Variants in NR3C2 observed in about 807,000 individuals in gnomAD.
The protein encoded by NR3C2 is nuclear receptor subfamily 3 group C member 2, also known as mineralocorticoid receptor.
NR3C2 carries 15 observed loss-of-function variants against 86.4 expected under a neutral mutation model. The observed-to-expected ratio is 0.17, with a 90% CI of 0.12 to 0.27. The LOEUF (loss-of-function observed/expected upper bound fraction) is 0.27, where lower values mean the gene tolerates loss of function less well. Among genes scored for constraint, NR3C2 ranks in the 10% least tolerant of loss-of-function variants. The probability of loss-of-function intolerance (pLI) is 1.00; values close to 1 mark genes in which losing one functional copy is unlikely to be tolerated. For missense variants in NR3C2, 960 were observed against 1,195.6 expected (o/e 0.80, Z 2.91); for synonymous variants, 458 against 450.5 (o/e 1.02, Z -0.21).
At chr4:148,222,278 C>T (rs1246894381) in intron 3 of NR3C2, among the ~76,000 whole-genome samples, 1 of 151,994 alleles carries the variant, frequency 6.6e-6, no homozygotes, top group Non-Finnish European at 1.5e-5. Context: ...TGCAATTATG[C>T]GGAATGAAGA....
At chr4:148,234,210 A>G (rs1738618716) in intron 3 of NR3C2, among the ~76,000 whole-genome samples, 1 of 152,310 alleles carries the variant, frequency 6.6e-6, no homozygotes, top group Non-Finnish European at 1.5e-5. Flanking sequence ...CACTGTAACA[A>G]TATGTTCAGT....
intron 2 of NR3C2, among the ~76,000 whole-genome samples, chr4:148,382,211 A>G (rs907618): frequency 0.25 from 37,777 of 152,134 alleles, 4,964 homozygotes; most frequent in African/African-American, 0.32. Context: ...AGAAGGCAGA[A>G]AAGTAGTGGC....
chr4:148,360,977 AG>A (rs1745805869), intron 2 of NR3C2, among the ~76,000 whole-genome samples: 2 of 152,280 alleles, frequency 1.3e-5, no homozygotes, highest in Admixed American at 1.3e-4. Context: ...ATGCCACCCA[AG>A]GCCCCTTGCA....
At chr4:148,230,219 C>T (rs1579043582) in intron 3 of NR3C2, among the ~76,000 whole-genome samples, 3 of 152,068 alleles carry the variant, frequency 2.0e-5, no homozygotes, top group Admixed American at 6.6e-5. Flanking sequence ...TTAGAGACAG[C>T]GTCTTGCTCT....
chr4:148,275,293 G>A (rs896049394), intron 2 of NR3C2, among the ~76,000 whole-genome samples: 2 of 152,158 alleles, frequency 1.3e-5, no homozygotes, highest in Non-Finnish European at 2.9e-5. Flanking sequence ...CTGTACATTT[G>A]TAGGGTAAGA....
chr4:148,436,873 A>C lies in NR3C2; in HGVS notation c.-2-11T>G. Reference sequence around the variant, plus strand: ...CTTTGGTCTCCATCGCTAACAAATAAATTTACATTAAAAAATTAGAGTCAG... The same window carrying C: ...CTTTGGTCTCCATCGCTAACAAATACATTTACATTAAAAAATTAGAGTCAG... On this transcript the variant is annotated splice_polypyrimidine_tract_variant and intron_variant, in intron 1 of 8. Transcript: ENST00000358102. 6.3e-7 allele frequency: 1 copy of C among 1,585,064 alleles called. No homozygotes were observed.
chr4:148,207,652 C>G (rs1737071196), intron 3 of NR3C2, among the ~76,000 whole-genome samples: 1 of 152,122 alleles, frequency 6.6e-6, no homozygotes, highest in African/African-American at 2.4e-5. Flanking sequence ...AGCCATTTAA[C>G]CTTACATTTT....
chr4:148,127,003 T>G (rs1402563858), intron 6 of NR3C2, among the ~76,000 whole-genome samples: 1 of 152,248 alleles, frequency 6.6e-6, no homozygotes, highest in Non-Finnish European at 1.5e-5. Flanking sequence ...TACAACTCTA[T>G]TCAGTACCTC....
chr4:148,107,309 C>A (rs780878985), intron 8 of NR3C2, among the ~76,000 whole-genome samples: 1 of 152,202 alleles, frequency 6.6e-6, no homozygotes, highest in African/African-American at 2.4e-5. Context: ...CCATCTCACG[C>A]CAGTCAGAAT....
chr4:148,390,721 A>G (rs1370159130), intron 2 of NR3C2, among the ~76,000 whole-genome samples: 1 of 152,224 alleles, frequency 6.6e-6, no homozygotes, highest in Non-Finnish European at 1.5e-5. Flanking sequence ...AATCTTAAAT[A>G]CAGAGGAAAC....
intron 2 of NR3C2, among the ~76,000 whole-genome samples, chr4:148,304,789 C>A (rs983758890): frequency 6.6e-6 from 1 of 152,024 alleles, no homozygotes; most frequent in Non-Finnish European, 1.5e-5. Context: ...TGCGGTGGAG[C>A]CACTGGGAAT....
chr4:148,129,602 A>G (rs1732921456), intron 6 of NR3C2, among the ~76,000 whole-genome samples: 1 of 152,044 alleles, frequency 6.6e-6, no homozygotes, highest in South Asian at 2.1e-4. Flanking sequence ...TTATTTATTT[A>G]TTTATTTATT....
At chr4:148,293,677 A>G (rs1260055795) in intron 2 of NR3C2, among the ~76,000 whole-genome samples, 1 of 152,184 alleles carries the variant, frequency 6.6e-6, no homozygotes, top group African/African-American at 2.4e-5. Context: ...GGTCTGGCCT[A>G]CTGACTTAAT....
intron 3 of NR3C2, among the ~76,000 whole-genome samples, chr4:148,211,994 C>G (rs1225451892): frequency 6.6e-6 from 1 of 152,194 alleles, no homozygotes; most frequent in Non-Finnish European, 1.5e-5. Flanking sequence ...ACTACCAAGT[C>G]TAAGGCCCTC....
At chr4:148,251,606 T>C (rs72655221) in intron 3 of NR3C2, among the ~76,000 whole-genome samples, 4 of 152,320 alleles carry the variant, frequency 2.6e-5, no homozygotes, top group East Asian at 1.9e-4. Flanking sequence ...CTGAGCCTGA[T>C]AGGCTACATC....
intron 3 of NR3C2, among the ~76,000 whole-genome samples, chr4:148,242,449 T>A (rs984862006): frequency 6.6e-6 from 1 of 152,198 alleles, no homozygotes; most frequent in Non-Finnish European, 1.5e-5. Context: ...TGCATACATA[T>A]AAAGCATCTT....
At chr4:148,364,508 C>A (rs986845287) in intron 2 of NR3C2, among the ~76,000 whole-genome samples, 2 of 152,212 alleles carry the variant, frequency 1.3e-5, no homozygotes, top group Non-Finnish European at 2.9e-5. Flanking sequence ...GAGCTACTCT[C>A]TGAAATTGTA....
At chr4:148,354,073 G>C (rs1046977360) in intron 2 of NR3C2, among the ~76,000 whole-genome samples, 2 of 151,904 alleles carry the variant, frequency 1.3e-5, no homozygotes, top group African/African-American at 4.8e-5. Context: ...GGAACTGCAG[G>C]GGTCCTTATA....
chr4:148,090,888 C>T (rs755970321), intron 8 of NR3C2, among the ~76,000 whole-genome samples: 87 of 152,330 alleles, frequency 5.7e-4, no homozygotes, highest in Admixed American at 1.6e-3. Context: ...ATGGGACCTT[C>T]GTGCATAACC....
Sources: gnomAD v4.1 joint callset for allele counts (sites outside exome capture counted in the v4.1 genomes callset) on GRCh38, gnomAD v4.1.1 for gene constraint, MANE v1.5 for transcripts, NCBI Gene and HGNC (gene_info 2026-07-23, HGNC 2026-07-21) for gene names.